The following EIF2AK4 variants were observed in gnomAD, a reference collection of about 807,000 sequenced individuals.
EIF2AK4 encodes the protein eukaryotic translation initiation factor 2 alpha kinase 4, also known as eIF-2-alpha kinase GCN2.
A neutral mutation model predicts 211.1 loss-of-function variants in EIF2AK4; 139 were observed. The observed-to-expected ratio is 0.66, with a 90% CI of 0.57 to 0.76. The LOEUF is 0.76. Ranked by LOEUF, EIF2AK4 falls within the 30% of genes least tolerant of loss-of-function variation. The probability of loss-of-function intolerance (pLI) is 0.00; values close to 1 mark genes in which losing one functional copy is unlikely to be tolerated. For synonymous variants in EIF2AK4, 710 were observed against 751.3 expected (o/e 0.94, Z 0.90); for missense variants, 1,664 against 2,043.8 (o/e 0.81, Z 3.58).
intron 22 of EIF2AK4, 24 bp downstream of exon 22, chr15:40,002,812 G>T: frequency 1.2e-6 from 2 of 1,612,590 alleles, no homozygotes; most frequent in South Asian, 1.1e-5. Context: ...TTTTAAAAAT[G>T]ATATTTCTTC....
At chr15:40,029,298 T>C (rs2035506948) in intron 33 of EIF2AK4, 108 bp from the exon 34 acceptor site, 1 of 1,416,416 alleles carries the variant, frequency 7.1e-7, no homozygotes, top group East Asian at 2.6e-5. Flanking sequence ...GAAGATGTTT[T>C]TATATTTAAT....
intron 2 of EIF2AK4, among the ~76,000 whole-genome samples, chr15:39,942,474 T>C (rs1178828262): frequency 6.6e-6 from 1 of 152,200 alleles, no homozygotes; most frequent in African/African-American, 2.4e-5. Flanking sequence ...TACTGAAGCA[T>C]TGAGAGAACG....
chr15:39,964,796 C>T (rs1193584617), intron 7 of EIF2AK4, among the ~76,000 whole-genome samples: 1 of 152,164 alleles, frequency 6.6e-6, no homozygotes, highest in Non-Finnish European at 1.5e-5. Context: ...ATGACTATCA[C>T]TAAATAAATG....
intron 29 of EIF2AK4, among the ~76,000 whole-genome samples, chr15:40,018,130 G>A (rs2035335158): frequency 6.6e-6 from 1 of 152,048 alleles, no homozygotes; most frequent in East Asian, 1.9e-4. Context: ...ATCAAACAGT[G>A]TTAAATTTTT....
chr15:39,980,685 T>C (rs1429288865), intron 13 of EIF2AK4, among the ~76,000 whole-genome samples: 1 of 152,110 alleles, frequency 6.6e-6, no homozygotes, highest in Non-Finnish European at 1.5e-5. Flanking sequence ...ATGCAACAAC[T>C]TTATTACTAT....
At chr15:39,956,525 A>G (rs1179499470) in intron 6 of EIF2AK4, among the ~76,000 whole-genome samples, 4 of 152,226 alleles carry the variant, frequency 2.6e-5, no homozygotes, top group Admixed American at 2.0e-4. Context: ...TAGGAACCCC[A>G]GTTGGCTGCC....
chr15:39,960,511 G>C (rs1378422909), intron 6 of EIF2AK4, among the ~76,000 whole-genome samples: 1 of 152,168 alleles, frequency 6.6e-6, no homozygotes, highest in African/African-American at 2.4e-5. Flanking sequence ...ATCAGGTTTA[G>C]AGCGAGTGGA....
chr15:39,997,397 A>G (rs753215744), intron 19 of EIF2AK4, among the ~76,000 whole-genome samples: 15 of 152,186 alleles, frequency 9.9e-5, no homozygotes, highest in Non-Finnish European at 1.6e-4. Flanking sequence ...TGATGATGGG[A>G]AACTTGCCCC....
chr15:39,971,377 A>T (rs2034622498), intron 9 of EIF2AK4, among the ~76,000 whole-genome samples: 1 of 152,158 alleles, frequency 6.6e-6, no homozygotes, highest in Admixed American at 6.5e-5. Context: ...GACAAAAATT[A>T]GCCATGCATG....
At chr15:39,948,530 T>C (rs1012046070) in intron 3 of EIF2AK4, among the ~76,000 whole-genome samples, 9 of 152,240 alleles carry the variant, frequency 5.9e-5, no homozygotes, top group African/African-American at 2.2e-4. Flanking sequence ...CCACATTCTA[T>C]CTGTGACTGC....
At position 39,967,762 on chromosome 15, in the gene EIF2AK4, G is replaced by A; in HGVS notation, c.1436G>A (p.Gly479Glu). The change falls in exon 9 of 39, where the codon GGA (glycine) becomes GAA (glutamate). Residue 479 changes from glycine (G) to glutamate (E), a missense_variant. Gly to Glu is a moderately conservative substitution (Grantham distance 98). Coordinates refer to ENST00000263791, the MANE Select transcript of EIF2AK4 (RefSeq NM_001013703.4). ...CTGCCTTATAAAACGGGGAAGAAAG[G>A]AGATGTTTGGCGTCTTGGCCTTCTG... is the stretch of plus-strand genomic sequence containing the variant. ...NALPYKTGKK[G>E]DVWRLGLLLL... is the part of the protein sequence containing the mutation. 1.2e-6 allele frequency: 2 copies of A among 1,614,208 alleles called. No homozygotes were observed. Among genetic ancestry groups the A allele is most frequent in the Non-Finnish European group, 1.7e-6 (2 of 1,180,032 alleles).
At chr15:40,018,227 A>G (rs753062001) in intron 29 of EIF2AK4, among the ~76,000 whole-genome samples, 10 of 152,130 alleles carry the variant, frequency 6.6e-5, no homozygotes, top group Non-Finnish European at 1.0e-4. Flanking sequence ...GTGATGAGAA[A>G]TTTGCTGTTA....
rs568695799 is a variant in EIF2AK4 at position 39,936,547 on chromosome 15, G to A, written c.144+2208G>A. Among the ~76,000 whole-genome samples, 5 of 152,138 alleles carry A rather than the reference G, an allele frequency of 3.3e-5. No homozygotes were observed. The South Asian group carries it at 1.0e-3, about 32-fold the overall frequency. On this transcript the variant is annotated intron_variant, in intron 1 of 38. Transcript: ENST00000263791. Reference sequence around the variant, plus strand: ...TGTGCCTCAGCCTCCTGAGCAGCTGGGATTACAGGTACCCGCCTCCACACC... The same window carrying A: ...TGTGCCTCAGCCTCCTGAGCAGCTGAGATTACAGGTACCCGCCTCCACACC...
At chr15:39,940,171 G>A (rs1254580843) in intron 2 of EIF2AK4, among the ~76,000 whole-genome samples, 2 of 152,192 alleles carry the variant, frequency 1.3e-5, no homozygotes, top group East Asian at 3.8e-4. Context: ...GTGTCCTCCA[G>A]GCATTGAAAC....
Position 40,001,233 on chromosome 15 carries a change from A to C in EIF2AK4, c.3159+9A>C. 1 of 1,612,072 alleles carries C rather than the reference A, an allele frequency of 6.2e-7. No homozygotes were observed. The highest frequency in any genetic ancestry group is 8.5e-7 in the Non-Finnish European group (1 of 1,179,594). ...ACAGCGACATACTGAAGGTGGGCTT[A>C]AGCCACGCTGCACAAAGGGAGCTTC... On this transcript the variant is annotated intron_variant, in intron 21 of 38. Coordinates refer to ENST00000263791, the MANE Select transcript of EIF2AK4 (RefSeq NM_001013703.4).
intron 35 of EIF2AK4, among the ~76,000 whole-genome samples, chr15:40,030,729 G>A (rs966259044): frequency 1.3e-5 from 2 of 152,112 alleles, no homozygotes; most frequent in African/African-American, 2.4e-5. Flanking sequence ...TGGCTCTAAA[G>A]GTAGTTGAGG....
Position 39,945,318 on chromosome 15 carries a change from A to G in EIF2AK4, c.360+1833A>G, listed in dbSNP as rs546113812. On this transcript the variant is annotated intron_variant, in intron 3 of 38. Coordinates refer to ENST00000263791, the MANE Select transcript of EIF2AK4 (RefSeq NM_001013703.4). ...TATTTTGAGATAATTATATATTTAT[A>G]TATACCTCTTACCCAGTTTGCCCCG... 3.3e-5 allele frequency among the ~76,000 whole-genome samples: 5 copies of G among 152,188 alleles called. No individual in the cohort carries two copies. The South Asian group carries it at 1.0e-3, about 32-fold the overall frequency.
At chr15:40,021,579 C>T (rs1355954586) in intron 31 of EIF2AK4, 2 of 152,486 alleles carry the variant, frequency 1.3e-5, no homozygotes, top group Non-Finnish European at 2.9e-5. Flanking sequence ...GCCTGCCACA[C>T]TTCTGAAGGC....
chr15:39,959,597 AC>A (rs2034438945), intron 6 of EIF2AK4, among the ~76,000 whole-genome samples: 1 of 152,044 alleles, frequency 6.6e-6, no homozygotes, highest in Admixed American at 6.6e-5. Flanking sequence ...ACATTCTAAA[AC>A]TCCTTAAAAC....
Sources: allele counts gnomAD v4.1 joint callset (sites outside exome capture counted in the v4.1 genomes callset), GRCh38; gene constraint gnomAD v4.1.1; transcripts MANE v1.5; gene names NCBI Gene and HGNC (gene_info 2026-07-23, HGNC 2026-07-21).